The following MYLK2 variants were observed in gnomAD, a reference collection of about 807,000 sequenced individuals.
MYLK2 encodes the protein myosin light chain kinase 2, skeletal/cardiac muscle.
MYLK2 carries 27 observed loss-of-function variants against 58.2 expected under a neutral mutation model. The ratio of observed to expected loss-of-function variants is 0.46; its 90% CI spans 0.34 to 0.64. MYLK2 has a LOEUF of 0.64. Ranked by LOEUF, MYLK2 falls within the 30% of genes least tolerant of loss-of-function variation. The pLI, the probability that MYLK2 is intolerant of heterozygous loss-of-function variation, is 0.01. For synonymous variants in MYLK2, 310 were observed against 296.7 expected (o/e 1.04, Z -0.46); for missense variants, 676 against 764.3 (o/e 0.88, Z 1.36).
intron 6 of MYLK2, among the ~76,000 whole-genome samples, chr20:31,825,435 G>T (rs1459282638): frequency 6.6e-6 from 1 of 152,146 alleles, no homozygotes; most frequent in African/African-American, 2.4e-5. Flanking sequence ...GTCAGGGGCT[G>T]GGGAAATGTC....
intron 4 of MYLK2, among the ~76,000 whole-genome samples, chr20:31,822,402 C>T (rs764636584): frequency 8.5e-5 from 13 of 152,120 alleles, no homozygotes; most frequent in Admixed American, 2.6e-4. Flanking sequence ...AGGGCTCATG[C>T]GCTGAGGAGC....
rs545093566 is a variant in MYLK2, at chr20:31,820,508, C to T, written c.435C>T (p.Ala145=). ...GQAAARRGSP[A]FLHSPSCPAI... ...CAGCAGCCAGGAGGGGCTCACCTGC[C>T]TTTCTGCATAGCCCCAGCTGTCCTG... The change falls in exon 3 of 13, where the codon GCC becomes GCT. Residue 145 remains alanine (A), a synonymous_variant. Transcript: ENST00000375985. 2.5e-6 allele frequency: 4 copies of T among 1,604,936 alleles called. No individual in the cohort carries two copies. Among genetic ancestry groups the T allele is most frequent in the Admixed American group, 1.7e-5 (1 of 60,036 alleles).
intron 6 of MYLK2, chr20:31,824,693 T>C (rs73903654): frequency 0.013 from 6,895 of 522,410 alleles, 244 homozygotes; most frequent in African/African-American, 0.097. Flanking sequence ...GTGAAGTGGG[T>C]GTGGTCTCCA....
chr20:31,833,350 G>A (rs967355811), intron 12 of MYLK2, among the ~76,000 whole-genome samples: 2 of 152,172 alleles, frequency 1.3e-5, no homozygotes, highest in Non-Finnish European at 2.9e-5. Flanking sequence ...ACAGGTAGGA[G>A]GCCAGTATGG....
intron 4 of MYLK2, 21 bp downstream of exon 4, chr20:31,821,758 G>T: frequency 6.4e-7 from 1 of 1,571,832 alleles, no homozygotes. Context: ...GGCAGGTGGG[G>T]GCTGGGGCTG....
chr20:31,826,731 G>C lies in MYLK2; in HGVS notation c.1082+17G>C. 6.2e-7 allele frequency: 1 copy of C among 1,614,066 alleles called. No individual in the cohort carries two copies. The highest frequency in any genetic ancestry group is 1.3e-5 in the African/African-American group (1 of 74,982). ...CATGGAGTAGTGAGTGCCCGAAGTA[G>C]TGGTAGGGGCTGGGTGGGGGTACCA... On this transcript the variant is annotated intron_variant, in intron 7 of 12. Coordinates refer to ENST00000375985, the MANE Select transcript of MYLK2 (RefSeq NM_033118.4).
At chr20:31,829,711 C>T (rs544971677) in intron 8 of MYLK2, among the ~76,000 whole-genome samples, 5 of 152,200 alleles carry the variant, frequency 3.3e-5, no homozygotes, top group Non-Finnish European at 5.9e-5. Context: ...CCAGGGCTTC[C>T]GGTGTTTCAG....
chr20:31,829,383 G>A (rs1259436311), intron 8 of MYLK2, among the ~76,000 whole-genome samples: 1 of 151,580 alleles, frequency 6.6e-6, no homozygotes, highest in Non-Finnish European at 1.5e-5. Flanking sequence ...ATCTCTGAAA[G>A]GAAATTTGAG....
In MYLK2 at chr20:31,821,587, G is replaced by A. The variant is rs763051711; in HGVS notation, c.622G>A (p.Gly208Arg). The change falls in exon 4 of 13, where the codon GGA (glycine) becomes AGA (arginine). Residue 208 changes from glycine (G) to arginine (R), a missense_variant. Around this residue, in one of 2 missense-constraint regions of MYLK2, gnomAD observed 306 missense variants for 296.5 expected, o/e 1.03. Coordinates refer to ENST00000375985, the MANE Select transcript of MYLK2 (RefSeq NM_033118.4). ...NILAESQKEV[G>R]EKTPGQAGQA... ...CCTGGCAGAGAGCCAGAAGGAAGTGGGAGAGAAAACCCCAGGCCAGGCTGG... is the reference window on the plus strand; with the variant it reads ...CCTGGCAGAGAGCCAGAAGGAAGTGAGAGAGAAAACCCCAGGCCAGGCTGG... 6.2e-7 allele frequency: 1 copy of A among 1,614,118 alleles called. No homozygotes were observed. The highest frequency in any genetic ancestry group is 1.1e-5 in the South Asian group (1 of 91,084).
At chr20:31,833,327 G>C (rs1272984843) in intron 12 of MYLK2, among the ~76,000 whole-genome samples, 1 of 152,194 alleles carries the variant, frequency 6.6e-6, no homozygotes, top group Non-Finnish European at 1.5e-5. Flanking sequence ...GGTGTGGTTG[G>C]AGAGTTTGAG....
At chr20:31,830,477 C>T (rs1292906552) in intron 8 of MYLK2, among the ~76,000 whole-genome samples, 3 of 152,140 alleles carry the variant, frequency 2.0e-5, no homozygotes. Context: ...AGCCTGGGGG[C>T]GGGGATAGCA....
Position 31,820,355 on chromosome 20 carries a change from G to A in MYLK2, c.282G>A (p.Pro94=), listed in dbSNP as rs200710399. The A allele has an allele frequency of 1.6e-5, 26 of 1,612,734 alleles. No homozygotes were observed. Among genetic ancestry groups the A allele is most frequent in the African/African-American group, 1.2e-4 (9 of 75,060 alleles). Residue 94 remains proline, a synonymous_variant, in exon 3 of 13, where the codon CCG becomes CCA. Coordinates refer to ENST00000375985, the MANE Select transcript of MYLK2 (RefSeq NM_033118.4). Reference sequence around the variant, plus strand: ...CCGCGGAGGGCAGTGCTGGGCCCCCGGCAGCCCTGCCCCAGCAGACTGCGA... The same window carrying A: ...CCGCGGAGGGCAGTGCTGGGCCCCCAGCAGCCCTGCCCCAGCAGACTGCGA... ...GGPAEGSAGP[P]AALPQQTATP... is the part of the protein sequence containing the mutation.
chr20:31,825,288 G>A (rs1004742536), intron 6 of MYLK2, among the ~76,000 whole-genome samples: 10 of 152,178 alleles, frequency 6.6e-5, no homozygotes, highest in Admixed American at 3.9e-4. Context: ...GCCTGGGTCC[G>A]TGTTATTGTC....
intron 12 of MYLK2, among the ~76,000 whole-genome samples, 173 bp downstream of exon 12, chr20:31,832,309 A>G (rs2123141791): frequency 6.6e-6 from 1 of 152,126 alleles, no homozygotes; most frequent in Middle Eastern, 3.4e-3. Flanking sequence ...CCTGTCCTAG[A>G]GTGGAGACCT....
At chr20:31,824,482 C>A in intron 6 of MYLK2, 130 bp downstream of exon 6, 1 of 1,526,006 alleles carries the variant, frequency 6.6e-7, no homozygotes, top group South Asian at 1.2e-5. Context: ...AGTGAAAATA[C>A]TACACAGATA....
At chr20:31,827,138 G>GAA in intron 8 of MYLK2, 200 bp downstream of exon 8, 2 of 936,942 alleles carry the variant, frequency 2.1e-6, no homozygotes, top group Non-Finnish European at 2.5e-6. Flanking sequence ...AGAGAGGGGG[G>GAA]GAAAAAAAAA....
rs1223750942 is a variant in MYLK2, at chr20:31,833,738, G to A, written c.1732G>A (p.Ala578Thr). The A allele has an allele frequency of 3.7e-6, 6 of 1,613,752 alleles. No individual in the cohort carries two copies. The highest frequency in any genetic ancestry group is 3.3e-5 in the South Asian group (3 of 91,090). The change falls in exon 13 of 13, where the codon GCT becomes ACT. Residue 578 changes from alanine to threonine, a missense_variant. This residue lies in a region of MYLK2 where 370 missense variants were observed against 467.8 expected (regional missense o/e 0.79). Transcript: ENST00000375985. ...CTAGAAAAACTTCATTGCTGTCAGC[G>A]CTGCCAACCGCTTCAAGAAGATCAG... is the stretch of plus-strand genomic sequence containing the variant. ...RWKKNFIAVS[A>T]ANRFKKISSS...
intron 4 of MYLK2, 78 bp from the exon 5 acceptor site, chr20:31,823,399 C>T: frequency 7.4e-7 from 1 of 1,347,018 alleles, no homozygotes; most frequent in Non-Finnish European, 1.0e-6. Context: ...GGGGCCCAGG[C>T]CAGCAGGAGG....
chr20:31,827,012 A>G (rs2123135128), intron 8 of MYLK2, 74 bp downstream of exon 8: 1 of 1,601,880 alleles, frequency 6.2e-7, no homozygotes, highest in Non-Finnish European at 8.5e-7. Context: ...GTCACCAGCC[A>G]TCCCTCTGCC....
Sources: allele counts gnomAD v4.1 joint callset (sites outside exome capture counted in the v4.1 genomes callset), GRCh38; gene constraint gnomAD v4.1.1; regional missense constraint gnomAD v4.1.1; transcripts MANE v1.5; gene names NCBI Gene and HGNC (gene_info 2026-07-23, HGNC 2026-07-21).